Variants in GUCY2C observed in about 807,000 individuals in gnomAD.
The protein encoded by GUCY2C is guanylyl cyclase C.
In GUCY2C, 118 loss-of-function variants were observed where a neutral mutation model predicts 131.1. That is an observed-to-expected ratio of 0.90 (90% CI 0.78 to 1.05). The LOEUF is 1.05. Ranked by LOEUF, GUCY2C falls within the 50% of genes least tolerant of loss-of-function variation. GUCY2C has a pLI of 0.00. For missense variants in GUCY2C, 1,161 were observed against 1,304.4 expected (o/e 0.89, Z 1.69); for synonymous variants, 452 against 457.8 (o/e 0.99, Z 0.16).
chr12:14,679,620 T>C, intron 6 of GUCY2C, 37 bp downstream of exon 6: 2 of 1,000,588 alleles, frequency 2.0e-6, no homozygotes, highest in Non-Finnish European at 1.6e-6. Flanking sequence ...TACTTCCTTT[T>C]TGAAAGGAGG....
At chr12:14,655,201 G>A (rs772944662) in intron 12 of GUCY2C, among the ~76,000 whole-genome samples, 1 of 152,126 alleles carries the variant, frequency 6.6e-6, no homozygotes, top group Non-Finnish European at 1.5e-5. Flanking sequence ...TATTTTGTCT[G>A]TCCAGTGTTT....
At position 14,621,137 on chromosome 12, in the gene GUCY2C, G is replaced by T. The variant is rs1946887643; in HGVS notation, c.2681C>A (p.Ala894Asp). The change falls in exon 23 of 27, where the codon GCC (alanine) becomes GAC (aspartate). Residue 894 changes from alanine (A) to aspartate (D), a missense_variant. By Grantham distance (126) the Ala-to-Asp change is moderately radical (BLOSUM62 -2). Transcript: ENST00000261170. Reference sequence around the variant, plus strand: ...GCTGAGGATTTCCAAGGCCATCTTGGCAATGTCTATTGCATGCCGATTGCC... The same window carrying T: ...GCTGAGGATTTCCAAGGCCATCTTGTCAATGTCTATTGCATGCCGATTGCC... ...RNGNRHAIDI[A>D]KMALEILSFM... 6.2e-7 allele frequency: 1 copy of T among 1,613,702 alleles called. No individual in the cohort carries two copies. The highest frequency in any genetic ancestry group is 1.3e-5 in the African/African-American group (1 of 75,010).
intron 5 of GUCY2C, 137 bp downstream of exon 5, chr12:14,681,219 G>A: frequency 1.4e-6 from 1 of 709,560 alleles, no homozygotes; most frequent in Non-Finnish European, 2.3e-6. Context: ...TGCAATTATA[G>A]ATCTCCCAAA....
chr12:14,648,775 C>T (rs752305686), intron 15 of GUCY2C, among the ~76,000 whole-genome samples: 4 of 152,156 alleles, frequency 2.6e-5, no homozygotes, highest in Non-Finnish European at 5.9e-5. Context: ...TTCTGTTTCA[C>T]GCATTAGTGC....
chr12:14,649,967 C>T (rs1947608886), intron 15 of GUCY2C, among the ~76,000 whole-genome samples: 1 of 152,106 alleles, frequency 6.6e-6, no homozygotes. Context: ...TTAAAGATTA[C>T]AATTTAATAG....
rs187245686 is a variant in GUCY2C at position 14,667,650 on chromosome 12, G to T, written c.1282+2072C>A. Reference sequence around the variant, plus strand: ...TTTTCAGAGTTTCTGGCTGTAGAGCGGGGCTGGTATAAAAATATTTGTAGC... The same window carrying T: ...TTTTCAGAGTTTCTGGCTGTAGAGCTGGGCTGGTATAAAAATATTTGTAGC... On this transcript the variant is annotated intron_variant, in intron 10 of 26. Transcript: ENST00000261170. Among the ~76,000 whole-genome samples the T allele has an allele frequency of 4.1e-4, 62 of 152,224 alleles. 1 individual carries two copies. In the East Asian group the frequency reaches 6.2e-3, roughly 15 times the overall value.
chr12:14,639,812 T>C, intron 19 of GUCY2C, 50 bp downstream of exon 19: 1 of 1,120,000 alleles, frequency 8.9e-7, no homozygotes, highest in Non-Finnish European at 1.4e-6. Context: ...ATTACATTTA[T>C]GGTAATTTTA....
chr12:14,617,417 T>TTCC (rs1451661773), intron 24 of GUCY2C, among the ~76,000 whole-genome samples: 2 of 152,132 alleles, frequency 1.3e-5, no homozygotes, highest in Non-Finnish European at 2.9e-5. Flanking sequence ...CTCAGAGTAG[T>TTCC]AGCCTGCGGG....
intron 5 of GUCY2C, among the ~76,000 whole-genome samples, 188 bp from the exon 6 acceptor site, chr12:14,679,941 T>A (rs1948315130): frequency 6.6e-6 from 1 of 151,948 alleles, no homozygotes; most frequent in South Asian, 2.1e-4. Flanking sequence ...TAGAGCTGAA[T>A]GGGATCTTTT....
intron 17 of GUCY2C, among the ~76,000 whole-genome samples, chr12:14,641,762 C>T (rs1003177837): frequency 4.6e-5 from 7 of 152,030 alleles, no homozygotes; most frequent in African/African-American, 1.7e-4. Context: ...TATGGTGAAA[C>T]CCTGTCTCTA....
At chr12:14,615,120 T>A (rs981194722) in intron 25 of GUCY2C, among the ~76,000 whole-genome samples, 177 bp from the exon 26 acceptor site, 2 of 152,230 alleles carry the variant, frequency 1.3e-5, no homozygotes, top group Non-Finnish European at 2.9e-5. Flanking sequence ...TAGACAGATT[T>A]TTATTTCCAA....
intron 15 of GUCY2C, among the ~76,000 whole-genome samples, chr12:14,651,174 A>G (rs1947650265): frequency 6.6e-6 from 1 of 152,154 alleles, no homozygotes; most frequent in Non-Finnish European, 1.5e-5. Context: ...TTCCACTTCC[A>G]TTCTCTGTTT....
At position 14,625,554 on chromosome 12, in the gene GUCY2C, T is replaced by C. The variant is rs375588389; in HGVS notation, c.2408+203A>G. 5.2e-4 allele frequency among the ~76,000 whole-genome samples: 79 copies of C among 152,146 alleles called. 3 individuals carry two copies. In the East Asian group the frequency reaches 0.014, roughly 27 times the overall value. On this transcript the variant is annotated intron_variant, in intron 21 of 26. Coordinates refer to ENST00000261170, the MANE Select transcript of GUCY2C (RefSeq NM_004963.4). ...TTCACCATGTTAGCCAGGATGGTCT[T>C]GATCTCCTGACCTCATGATCCACCT...
chr12:14,619,411 CTGTCA>C lies in GUCY2C; in HGVS notation c.2777-107_2777-103del, dbSNP rs1033140842. 9.8e-6 allele frequency: 7 copies of C among 712,548 alleles called. No individual in the cohort carries two copies. The African/African-American group carries it at 1.2e-4, about 12-fold the overall frequency. The allele number at this position is 712,548 out of a possible 1,614,324, so 44.1% of individuals were successfully genotyped here. A position where few individuals can be genotyped will look rare whatever the true frequency, so the allele number is the denominator to read the frequency against. ...GTATGGTCACAATCCTGAATACTTC[CTGTCA>C]TGGAGAAGTAGCTGAGGATGTGAAA... On this transcript the variant is annotated intron_variant, in intron 23 of 26. Transcript: ENST00000261170.
chr12:14,683,346 A>T, intron 3 of GUCY2C, 89 bp from the exon 4 acceptor site: 1 of 767,856 alleles, frequency 1.3e-6, no homozygotes, highest in Non-Finnish European at 2.2e-6. Context: ...TTCAGCATGT[A>T]TGTATAAATG....
intron 21 of GUCY2C, among the ~76,000 whole-genome samples, chr12:14,623,947 A>G (rs1469467077): frequency 6.6e-6 from 1 of 152,104 alleles, no homozygotes; most frequent in Non-Finnish European, 1.5e-5. Flanking sequence ...TAAATTACCT[A>G]GTCTCGGGTA....
At chr12:14,635,439 A>G (rs938629242) in intron 19 of GUCY2C, among the ~76,000 whole-genome samples, 2 of 152,174 alleles carry the variant, frequency 1.3e-5, no homozygotes, top group African/African-American at 4.8e-5. Flanking sequence ...GCATACCACA[A>G]CTTATGGGAT....
At chr12:14,641,323 A>C in intron 17 of GUCY2C, 104 bp from the exon 18 acceptor site, 2 of 1,151,650 alleles carry the variant, frequency 1.7e-6, no homozygotes, top group South Asian at 1.4e-5. Context: ...CACTCTAAAT[A>C]TGGGTGATAG....
rs1947395278 is a variant in GUCY2C at position 14,641,166 on chromosome 12, C to A, written c.1984G>T (p.Asp662Tyr). 1.9e-6 allele frequency: 3 copies of A among 1,613,762 alleles called. No homozygotes were observed. The highest frequency in any genetic ancestry group is 2.5e-6 in the Non-Finnish European group (3 of 1,179,866). The change falls in exon 18 of 27, where the codon GAT becomes TAT. Residue 662 changes from aspartate (D) to tyrosine (Y), a missense_variant. Transcript: ENST00000261170. The stretch of plus-strand genomic sequence containing the variant: ...GCGATGATCCCATAGCTGTACACAT[C>A]TCCTTTCTGAGAGATGTTGGCTTGG... Reference protein sequence around the residue: ...LRQANISQKGDVYSYGIIAQE... With the variant: ...LRQANISQKGYVYSYGIIAQE...
Sources: gnomAD v4.1 joint callset for allele counts (sites outside exome capture counted in the v4.1 genomes callset) on GRCh38, gnomAD v4.1.1 for gene constraint, MANE v1.5 for transcripts, NCBI Gene and HGNC (gene_info 2026-07-23, HGNC 2026-07-21) for gene names.